Variants in CTNNA3 observed in about 807,000 individuals in gnomAD.
CTNNA3 encodes the protein catenin alpha 3, also known as catenin alpha-3.
In CTNNA3, 76 loss-of-function variants were observed where a neutral mutation model predicts 95.7. The observed-to-expected ratio is 0.79, with a 90% CI of 0.66 to 0.96. CTNNA3 has a LOEUF of 0.96. Among genes scored for constraint, CTNNA3 ranks in the 40% least tolerant of loss-of-function variants. The pLI is 0.00. For synonymous variants in CTNNA3, 431 were observed against 374.4 expected (o/e 1.15, Z -1.74); for missense variants, 1,191 against 1,089.8 (o/e 1.09, Z -1.31).
At chr10:67,429,042 C>T (rs1255362225) in intron 5 of CTNNA3, among the ~76,000 whole-genome samples, 1 of 151,976 alleles carries the variant, frequency 6.6e-6, no homozygotes, top group African/African-American at 2.4e-5. Context: ...CTCCTGCAAA[C>T]CTCAAATAAT....
At chr10:66,819,937 G>T (rs536888690) in intron 7 of CTNNA3, among the ~76,000 whole-genome samples, 10 of 151,926 alleles carry the variant, frequency 6.6e-5, no homozygotes, top group Non-Finnish European at 1.3e-4. Context: ...TCCTCAAAAT[G>T]TTATTCATAT....
intron 11 of CTNNA3, among the ~76,000 whole-genome samples, chr10:66,380,544 G>A (rs931586746): frequency 2.0e-5 from 3 of 151,396 alleles, no homozygotes; most frequent in African/African-American, 4.8e-5. Context: ...GGAGTTTGAG[G>A]CTACAGTGAG....
At position 67,371,232 on chromosome 10, in the gene CTNNA3, A is replaced by T. The variant is rs185478730; in HGVS notation, c.579+150610T>A. On this transcript the variant is annotated intron_variant, in intron 5 of 17. Coordinates refer to ENST00000433211, the MANE Select transcript of CTNNA3 (RefSeq NM_013266.4). ...CCCATTTTTCTTTTTATATATACAT[A>T]TTTTTTTTCTATTATACTTTAAGTT... 0.013 allele frequency among the ~76,000 whole-genome samples: 1,886 copies of T among 150,436 alleles called. 60 individuals are homozygous for T. The East Asian group carries it at 0.14, about 11-fold the overall frequency.
intron 13 of CTNNA3, among the ~76,000 whole-genome samples, chr10:66,110,660 A>G (rs2082088584): frequency 6.6e-6 from 1 of 152,242 alleles, no homozygotes; most frequent in Non-Finnish European, 1.5e-5. Context: ...TAATGAGATT[A>G]TCTAAAGATA....
intron 11 of CTNNA3, among the ~76,000 whole-genome samples, chr10:66,462,875 A>C (rs1314383501): frequency 6.6e-6 from 1 of 152,126 alleles, no homozygotes; most frequent in Non-Finnish European, 1.5e-5. Context: ...TTTTAACTTA[A>C]AAGTAACATT....
At chr10:67,107,145 T>C (rs1858679432) in intron 7 of CTNNA3, among the ~76,000 whole-genome samples, 1 of 152,218 alleles carries the variant, frequency 6.6e-6, no homozygotes, top group Admixed American at 6.5e-5. Context: ...ATTATATTTT[T>C]ATTTACTAAC....
intron 5 of CTNNA3, among the ~76,000 whole-genome samples, chr10:67,238,967 C>G (rs2132326204): frequency 6.6e-6 from 1 of 151,966 alleles, no homozygotes; most frequent in African/African-American, 2.4e-5. Context: ...TCAATATGCT[C>G]AAAAGGAGAT....
At chr10:67,508,662 A>G (rs1194541480) in intron 5 of CTNNA3, among the ~76,000 whole-genome samples, 3 of 152,192 alleles carry the variant, frequency 2.0e-5, no homozygotes, top group Non-Finnish European at 4.4e-5. Context: ...AAGTGAAATT[A>G]TATCAAACTA....
intron 12 of CTNNA3, among the ~76,000 whole-genome samples, chr10:66,377,570 C>T (rs1459171656): frequency 2.6e-5 from 4 of 151,700 alleles, no homozygotes; most frequent in South Asian, 2.1e-4. Flanking sequence ...AAGACTAACA[C>T]GATTATAAAA....
At chr10:67,273,967 G>A (rs868330195) in intron 5 of CTNNA3, among the ~76,000 whole-genome samples, 12 of 152,212 alleles carry the variant, frequency 7.9e-5, no homozygotes, top group South Asian at 2.1e-4. Flanking sequence ...GAGGTGATGG[G>A]TTACAAGGAT....
intron 11 of CTNNA3, among the ~76,000 whole-genome samples, chr10:66,401,515 C>CT: frequency 1.2e-5 from 1 of 83,084 alleles, no homozygotes; most frequent in Non-Finnish European, 2.3e-5. Context: ...GACTGTGTCT[C>CT]AAAACACACA....
intron 6 of CTNNA3, among the ~76,000 whole-genome samples, chr10:67,185,418 G>A (rs1273025428): frequency 1.3e-5 from 2 of 151,872 alleles, no homozygotes; most frequent in Non-Finnish European, 1.5e-5. Flanking sequence ...GAGCCATCAC[G>A]GCCGGCCTTT....
chr10:66,891,344 T>C (rs1003587314), intron 7 of CTNNA3, among the ~76,000 whole-genome samples: 2 of 152,192 alleles, frequency 1.3e-5, no homozygotes, highest in Non-Finnish European at 2.9e-5. Context: ...TCAATTTAAG[T>C]TCATGATGAG....
rs1399552958 is a variant in CTNNA3 at position 67,180,465 on chromosome 10, A to G, written c.899T>C (p.Leu300Pro). 1.2e-6 allele frequency: 2 copies of G among 1,613,798 alleles called. No homozygotes were observed. Among genetic ancestry groups the G allele is most frequent in the African/African-American group, 2.7e-5 (2 of 74,910 alleles). Residue 300 changes from leucine to proline, a missense_variant, in exon 7 of 18, where the codon CTA becomes CCA. Physicochemically the swap from Leu to Pro is moderately conservative, Grantham distance 98. Coordinates refer to ENST00000433211, the MANE Select transcript of CTNNA3 (RefSeq NM_013266.4). ...TVTEEEIRPS[L>P]EKRLEAIISG... is the part of the protein sequence containing the mutation. ...GATAATGGCTTCAAGGCGTTTCTCT[A>G]GTGATGGTCGTATTTCCTCCTCAGT...
chr10:67,046,981 TAGAAAAGAA>T (rs1854793411), intron 7 of CTNNA3, among the ~76,000 whole-genome samples: 3 of 152,018 alleles, frequency 2.0e-5, no homozygotes, highest in Non-Finnish European at 4.4e-5. Context: ...GTACAGAGGG[TAGAAAAGAA>T]ATAGTCTAAT....
chr10:67,127,593 C>G (rs1859776780), intron 7 of CTNNA3, among the ~76,000 whole-genome samples: 1 of 152,084 alleles, frequency 6.6e-6, no homozygotes, highest in Admixed American at 6.5e-5. Context: ...AACAATCAGA[C>G]TTCATATCAC....
At chr10:66,492,419 G>T (rs112330497) in intron 11 of CTNNA3, among the ~76,000 whole-genome samples, 2,321 of 151,454 alleles carry the variant, frequency 0.015, 36 homozygotes, top group East Asian at 0.069. Context: ...GAGTAGCTGG[G>T]ACTACAGGCG....
intron 7 of CTNNA3, among the ~76,000 whole-genome samples, chr10:66,844,703 T>A (rs1226812217): frequency 6.6e-6 from 1 of 152,220 alleles, no homozygotes; most frequent in Non-Finnish European, 1.5e-5. Context: ...AATATTTTCA[T>A]GCTGTTTCTT....
At chr10:66,157,476 TA>T (rs2084585503) in intron 13 of CTNNA3, among the ~76,000 whole-genome samples, 1 of 120,344 alleles carries the variant, frequency 8.3e-6, no homozygotes, top group African/African-American at 3.5e-5. Flanking sequence ...AGACAGATGA[TA>T]GATAGATAGA....
Sources: gnomAD v4.1 joint callset for allele counts (sites outside exome capture counted in the v4.1 genomes callset) on GRCh38, gnomAD v4.1.1 for gene constraint, MANE v1.5 for transcripts, NCBI Gene and HGNC (gene_info 2026-07-23, HGNC 2026-07-21) for gene names.